Variants in DNAJC2 observed in about 807,000 individuals in gnomAD.
DNAJC2 encodes the protein dnaJ homolog subfamily C member 2.
DNAJC2 carries 32 observed loss-of-function variants against 94.0 expected under a neutral mutation model. The observed-to-expected ratio is 0.34, with a 90% CI of 0.26 to 0.46. The LOEUF (loss-of-function observed/expected upper bound fraction) is 0.46. Among genes scored for constraint, DNAJC2 ranks in the 20% least tolerant of loss-of-function variants. The probability of loss-of-function intolerance (pLI) is 1.00; values close to 1 mark genes in which losing one functional copy is unlikely to be tolerated. For synonymous variants in DNAJC2, 210 were observed against 229.7 expected, an observed-to-expected ratio of 0.91 and a Z score of 0.77; for missense variants, 550 against 719.5, an observed-to-expected ratio of 0.76 and a Z score of 2.69.
chr7:103,326,995 G>T (rs1204530679), intron 4 of DNAJC2, among the ~76,000 whole-genome samples: 2 of 152,194 alleles, frequency 1.3e-5, no homozygotes, highest in Non-Finnish European at 2.9e-5. Context: ...TCCCAAGGTT[G>T]TAAAAGATCG....
rs369245611 is a variant in DNAJC2 at position 103,315,788 on chromosome 7, C to T, written c.1612G>A (p.Ala538Thr). The T allele has an allele frequency of 1.2e-5, 19 of 1,613,436 alleles. No individual in the cohort carries two copies. Among genetic ancestry groups the T allele is most frequent in the South Asian group, 3.3e-5 (3 of 91,022 alleles). ...EHGVVPQADN[A>T]TPSERFEGPY... ...CCTTCAAATCGTTCTGAAGGCGTTGCGTTGTCTGCTTGAGGTACCACTCCA... is the reference window on the plus strand; with the variant it reads ...CCTTCAAATCGTTCTGAAGGCGTTGTGTTGTCTGCTTGAGGTACCACTCCA... The change falls in exon 15 of 17, where the codon GCA (alanine) becomes ACA (threonine). Residue 538 changes from alanine to threonine, a missense_variant. By Grantham distance (58) the Ala-to-Thr change is moderately conservative. Transcript: ENST00000379263.
At chr7:103,329,660 T>A (rs1008521172) in intron 3 of DNAJC2, 16 of 152,186 alleles carry the variant, frequency 1.1e-4, no homozygotes, top group African/African-American at 3.9e-4. Flanking sequence ...TAATAATCCT[T>A]CCCTTTTCCA....
At chr7:103,333,975 G>C (rs1430137228) in intron 3 of DNAJC2, among the ~76,000 whole-genome samples, 1 of 149,800 alleles carries the variant, frequency 6.7e-6, no homozygotes, top group Non-Finnish European at 1.5e-5. Flanking sequence ...TTTTGAGACG[G>C]AGTCTCGCTC....
chr7:103,316,689 C>T, intron 13 of DNAJC2, 141 bp downstream of exon 13: 1 of 687,976 alleles, frequency 1.5e-6, no homozygotes, highest in Non-Finnish European at 2.4e-6. Context: ...CAAAATGCAC[C>T]TCACTTTTCA....
At chr7:103,323,738 A>G in intron 6 of DNAJC2, 75 bp from the exon 7 acceptor site, 5 of 1,111,210 alleles carry the variant, frequency 4.5e-6, no homozygotes, top group Non-Finnish European at 6.1e-6. Flanking sequence ...AAGTGAATGA[A>G]TTTGTTTTAA....
intron 4 of DNAJC2, 134 bp downstream of exon 4, chr7:103,327,522 C>T (rs542514817): frequency 1.4e-6 from 1 of 714,682 alleles, no homozygotes; most frequent in African/African-American, 1.8e-5. Context: ...TTAGAAAGAA[C>T]TTGATATAAC....
At chr7:103,328,847 C>T in intron 3 of DNAJC2, 1 of 342,434 alleles carries the variant, frequency 2.9e-6, no homozygotes, top group Non-Finnish European at 5.1e-6. Flanking sequence ...GTGCCATTTC[C>T]AATTTTGCAT....
At chr7:103,324,923 AACAACC>A (rs1200014681) in intron 5 of DNAJC2, among the ~76,000 whole-genome samples, 2 of 152,222 alleles carry the variant, frequency 1.3e-5, no homozygotes, top group African/African-American at 4.8e-5. Flanking sequence ...TCAGCACAAC[AACAACC>A]TGTAGGCCTA....
At chr7:103,313,869 A>C in intron 15 of DNAJC2, 1 of 985,410 alleles carries the variant, frequency 1.0e-6, no homozygotes, top group Non-Finnish European at 1.2e-6. Context: ...GATTTGGTTA[A>C]GTTAATGGAC....
intron 3 of DNAJC2, 35 bp downstream of exon 3, chr7:103,337,701 G>A: frequency 6.6e-7 from 1 of 1,522,360 alleles, no homozygotes; most frequent in Non-Finnish European, 9.1e-7. Context: ...TCCTATACAA[G>A]ATATTTGATT....
At chr7:103,340,057 C>T (rs1185490793) in intron 2 of DNAJC2, among the ~76,000 whole-genome samples, 2 of 152,170 alleles carry the variant, frequency 1.3e-5, no homozygotes, top group African/African-American at 2.4e-5. Context: ...AGGCTGGTCT[C>T]GAACTCCTGA....
At chr7:103,339,872 CTT>C (rs753326724) in intron 2 of DNAJC2, among the ~76,000 whole-genome samples, 4 of 152,118 alleles carry the variant, frequency 2.6e-5, no homozygotes, top group Non-Finnish European at 4.4e-5. Flanking sequence ...GAGTTTTGCT[CTT>C]GTTGCCCAGG....
chr7:103,332,896 T>A (rs1315817696), intron 3 of DNAJC2, among the ~76,000 whole-genome samples: 1 of 152,172 alleles, frequency 6.6e-6, no homozygotes, highest in Non-Finnish European at 1.5e-5. Context: ...AGTGCTGGGA[T>A]CAAAGGCATG....
chr7:103,342,954 G>A (rs1222775423), intron 1 of DNAJC2, among the ~76,000 whole-genome samples: 4 of 151,632 alleles, frequency 2.6e-5, no homozygotes, highest in Admixed American at 2.0e-4. Flanking sequence ...AAATTGTCAC[G>A]AAGAGCTAGC....
intron 3 of DNAJC2, among the ~76,000 whole-genome samples, chr7:103,334,108 G>A (rs909277418): frequency 6.6e-6 from 1 of 151,864 alleles, no homozygotes; most frequent in Non-Finnish European, 1.5e-5. Context: ...CCGCCACCAC[G>A]CCCAGCTGAT....
At chr7:103,319,282 C>T (rs1022596240) in intron 12 of DNAJC2, among the ~76,000 whole-genome samples, 13 of 151,958 alleles carry the variant, frequency 8.6e-5, no homozygotes, top group African/African-American at 3.1e-4. Flanking sequence ...ACCAAAAATA[C>T]AAAAATTAGC....
chr7:103,325,449 G>GAAA (rs35877928), intron 5 of DNAJC2, among the ~76,000 whole-genome samples: 18 of 145,988 alleles, frequency 1.2e-4, no homozygotes, highest in Non-Finnish European at 2.5e-4. Context: ...AATAAAAAAG[G>GAAA]AAAAAAAAAA....
chr7:103,320,439 T>C (rs116252045), intron 10 of DNAJC2, among the ~76,000 whole-genome samples: 1,827 of 152,198 alleles, frequency 0.012, 36 homozygotes, highest in African/African-American at 0.042. Flanking sequence ...TCAACCCTGA[T>C]AGTTTTTTTC....
intron 12 of DNAJC2, 32 bp downstream of exon 12, chr7:103,319,577 A>G (rs755839389): frequency 1.9e-6 from 3 of 1,603,922 alleles, no homozygotes; most frequent in South Asian, 1.1e-5. Flanking sequence ...TAAATGCTAC[A>G]TATAGGTAGG....
Sources: gnomAD v4.1 joint callset for allele counts (sites outside exome capture counted in the v4.1 genomes callset) on GRCh38, gnomAD v4.1.1 for gene constraint, MANE v1.5 for transcripts, NCBI Gene and HGNC (gene_info 2026-07-23, HGNC 2026-07-21) for gene names.